The following ACSBG2 variants were observed in gnomAD, a reference collection of about 807,000 sequenced individuals.
ACSBG2 encodes long-chain-fatty-acid--CoA ligase ACSBG2.
A neutral mutation model predicts 74.7 loss-of-function variants in ACSBG2; 62 were observed. The observed-to-expected ratio is 0.83, with a 90% CI of 0.68 to 1.03. The LOEUF is 1.03. ACSBG2 is among the 50% of genes least tolerant of loss of function. The probability of loss-of-function intolerance (pLI) is 0.00; values close to 1 mark genes in which losing one functional copy is unlikely to be tolerated. For missense variants in ACSBG2, 730 were observed against 817.6 expected (o/e 0.89, Z 1.31); for synonymous variants, 309 against 294.1 (o/e 1.05, Z -0.52).
intron 8 of ACSBG2, among the ~76,000 whole-genome samples, chr19:6,178,739 AG>A (rs2090159685): frequency 6.6e-6 from 1 of 152,110 alleles, no homozygotes; most frequent in South Asian, 2.1e-4. Flanking sequence ...AGGTTGTCTT[AG>A]GTTGGGTACC....
At chr19:6,161,779 T>C (rs1011787147) in intron 6 of ACSBG2, among the ~76,000 whole-genome samples, 3 of 152,034 alleles carry the variant, frequency 2.0e-5, no homozygotes, top group Non-Finnish European at 4.4e-5. Context: ...TTGGGACGCA[T>C]TTTTCCCTTC....
At chr19:6,170,677 G>A (rs1428190600) in intron 7 of ACSBG2, among the ~76,000 whole-genome samples, 2 of 152,114 alleles carry the variant, frequency 1.3e-5, no homozygotes, top group Non-Finnish European at 2.9e-5. Context: ...GTTAATCTTA[G>A]AGAACGTTCC....
chr19:6,138,789 A>T (rs1255086413), intron 1 of ACSBG2, among the ~76,000 whole-genome samples: 1 of 151,098 alleles, frequency 6.6e-6, no homozygotes, highest in African/African-American at 2.4e-5. Context: ...AAGGAAGTAG[A>T]AAGGAGGGAA....
intron 5 of ACSBG2, among the ~76,000 whole-genome samples, chr19:6,160,330 G>A (rs143558961): frequency 0.015 from 2,218 of 150,198 alleles, 39 homozygotes; most frequent in Middle Eastern, 0.049. Context: ...GCGGAGCTTG[G>A]AGTGAGCTGA....
chr19:6,161,344 A>C, intron 6 of ACSBG2, 49 bp downstream of exon 6: 1 of 1,570,876 alleles, frequency 6.4e-7, no homozygotes, highest in African/African-American at 1.4e-5. Flanking sequence ...GGGGCCTTGC[A>C]AGAAAAGTGG....
intron 8 of ACSBG2, among the ~76,000 whole-genome samples, chr19:6,179,423 C>T (rs2090183408): frequency 1.3e-5 from 2 of 151,798 alleles, no homozygotes; most frequent in Non-Finnish European, 1.5e-5. Flanking sequence ...CCTCAGCCTC[C>T]CCTGTAGCCA....
In ACSBG2 at chr19:6,187,422, G is replaced by C. The variant is rs186606724; in HGVS notation, c.1680G>C (p.Lys560Asn). Residue 560 changes from lysine (K) to asparagine (N), a missense_variant and splice_region_variant, in exon 12 of 15, where the codon AAG (lysine) becomes AAC (asparagine). Lys to Asn is a moderately conservative substitution (Grantham distance 94). Transcript: ENST00000588485. ...TTCTGAGCATGTTGCTGACGCTGAA[G>C]GTAACATGGGTTTGCTGTCATTGGG... The part of the protein sequence containing the change: ...LKFLSMLLTL[K>N]CEMNQMSGEP... 46 of 1,613,998 alleles carry C rather than the reference G, an allele frequency of 2.9e-5. No individual in the cohort carries two copies. The highest frequency in any genetic ancestry group is 6.7e-5 in the Admixed American group (4 of 59,984).
chr19:6,178,554 G>T (rs1364787950), intron 8 of ACSBG2, among the ~76,000 whole-genome samples: 1 of 151,878 alleles, frequency 6.6e-6, no homozygotes, highest in Non-Finnish European at 1.5e-5. Context: ...GCTGATTTTT[G>T]TATTTTTAGT....
rs1213730278 is a variant in ACSBG2 at position 6,187,554 on chromosome 19, T to C, written c.1681-45T>C. On this transcript the variant is annotated intron_variant, in intron 12 of 14. Transcript: ENST00000588485. ...CTTGGTCTGTGGGCCTGGGGAGGGGTGCTGGTCAAGGAGCATGGGTGGTGA... is the reference window on the plus strand; with the variant it reads ...CTTGGTCTGTGGGCCTGGGGAGGGGCGCTGGTCAAGGAGCATGGGTGGTGA... 1.9e-6 allele frequency: 3 copies of C among 1,609,512 alleles called. No individual in the cohort carries two copies. The East Asian group carries it at 6.7e-5, about 36-fold the overall frequency.
chr19:6,152,661 A>G (rs1344616264), intron 4 of ACSBG2, among the ~76,000 whole-genome samples: 1 of 151,968 alleles, frequency 6.6e-6, no homozygotes, highest in Non-Finnish European at 1.5e-5. Flanking sequence ...TGAGCTTGTA[A>G]TTCTACCTTT....
At chr19:6,178,998 G>T (rs1600112067) in intron 8 of ACSBG2, among the ~76,000 whole-genome samples, 1 of 152,338 alleles carries the variant, frequency 6.6e-6, no homozygotes, top group East Asian at 1.9e-4. Context: ...GTCATTGGCT[G>T]TGGGCTCAGG....
At chr19:6,138,278 C>T (rs1337622744) in intron 1 of ACSBG2, among the ~76,000 whole-genome samples, 1 of 151,998 alleles carries the variant, frequency 6.6e-6, no homozygotes, top group East Asian at 1.9e-4. Context: ...TTGGCGGCCT[C>T]GTGCACATCT....
rs765551838 is a variant in ACSBG2, at chr19:6,177,315, T to C, written c.825T>C (p.His275=). The change falls in exon 8 of 15, where the codon CAT becomes CAC. Residue 275 remains histidine (H), a synonymous_variant. Transcript: ENST00000588485. ...TGGTTAGCTACCTCCCACTCAGCCA[T>C]ATTGCAGCACAGATGATGGACATCT... ...ETVVSYLPLS[H]IAAQMMDIWV... is the part of the protein sequence containing the mutation. 3.5e-5 allele frequency: 57 copies of C among 1,613,916 alleles called. No individual in the cohort carries two copies. The highest frequency in any genetic ancestry group is 4.6e-5 in the Non-Finnish European group (54 of 1,179,980).
At chr19:6,149,823 AC>A (rs1216276291) in intron 3 of ACSBG2, among the ~76,000 whole-genome samples, 1 of 140,404 alleles carries the variant, frequency 7.1e-6, no homozygotes, top group Non-Finnish European at 1.5e-5. Context: ...AGATCCACCC[AC>A]CTCGGCCTCC....
chr19:6,187,225 A>G (rs2090432900), intron 11 of ACSBG2, 58 bp from the exon 12 acceptor site: 2 of 1,608,194 alleles, frequency 1.2e-6, no homozygotes, highest in Non-Finnish European at 1.7e-6. Flanking sequence ...GGCTGGTCTC[A>G]AACTGGGGGT....
chr19:6,165,916 G>A lies in ACSBG2; in HGVS notation c.639G>A (p.Glu213=), dbSNP rs1275885461. 1.2e-6 allele frequency: 2 copies of A among 1,614,170 alleles called. No individual in the cohort carries two copies. Among genetic ancestry groups the A allele is most frequent in the Non-Finnish European group, 1.7e-6 (2 of 1,180,028 alleles). Residue 213 remains glutamate (E), a synonymous_variant, in exon 7 of 15, where the codon GAG becomes GAA. Transcript: ENST00000588485. ...GAAGTATCCCTGACACCCAACTGGAGCAGGTCATCGAGAGCCAGAAGGCGA... is the reference window on the plus strand; with the variant it reads ...GAAGTATCCCTGACACCCAACTGGAACAGGTCATCGAGAGCCAGAAGGCGA... ...LGRSIPDTQL[E]QVIESQKANQ...
At chr19:6,181,366 G>A (rs892159193) in intron 8 of ACSBG2, among the ~76,000 whole-genome samples, 2 of 151,440 alleles carry the variant, frequency 1.3e-5, no homozygotes, top group African/African-American at 2.4e-5. Context: ...GAAAAAGAAA[G>A]AAAGGAGAAA....
rs1050027257 is a variant in ACSBG2, at chr19:6,191,310, T to C, written c.*35+618T>C. The C allele has an allele frequency of 3.9e-5, 6 of 152,176 alleles. No individual in the cohort carries two copies. The East Asian group carries it at 1.2e-3, about 29-fold the overall frequency. 9.4% of individuals were successfully genotyped at this position (152,176 alleles called of 1,614,324 possible). A position where few individuals can be genotyped will look rare whatever the true frequency, so the allele number is the denominator to read the frequency against. On this transcript the variant is annotated intron_variant, in intron 14 of 14. Coordinates refer to ENST00000588485, the MANE Select transcript of ACSBG2 (RefSeq NM_030924.5). Reference sequence around the variant, plus strand: ...GTAGAATGCATCTTCAATTGTCCTATAGGCTGCCTGTAACCTTTTCATGGG... The same window carrying C: ...GTAGAATGCATCTTCAATTGTCCTACAGGCTGCCTGTAACCTTTTCATGGG...
In ACSBG2 at chr19:6,187,646, C is replaced by G. The variant is rs16993453; in HGVS notation, c.1728C>G (p.Phe576Leu). The change falls in exon 13 of 15, where the codon TTC (phenylalanine) becomes TTG (leucine). Residue 576 changes from phenylalanine (F) to leucine (L), a missense_variant. By Grantham distance (22) the Phe-to-Leu change is conservative. Transcript: ENST00000588485. ...GAGAACCTCTGGACAAGCTGAACTTCGAGGCCATCAACTTCTGTCGGGGTC... is the reference window on the plus strand; with the variant it reads ...GAGAACCTCTGGACAAGCTGAACTTGGAGGCCATCAACTTCTGTCGGGGTC... ...MSGEPLDKLN[F>L]EAINFCRGLG... 3 of 1,613,816 alleles carry G rather than the reference C, an allele frequency of 1.9e-6. No homozygotes were observed. Among genetic ancestry groups the G allele is most frequent in the African/African-American group, 1.3e-5 (1 of 74,790 alleles).
Sources: allele counts gnomAD v4.1 joint callset (sites outside exome capture counted in the v4.1 genomes callset), GRCh38; gene constraint gnomAD v4.1.1; transcripts MANE v1.5; gene names NCBI Gene and HGNC (gene_info 2026-07-23, HGNC 2026-07-21).